Variants in ADAMTS17 observed in about 807,000 individuals in gnomAD.
The protein encoded by ADAMTS17 is A disintegrin and metalloproteinase with thrombospondin motifs 17.
In ADAMTS17, 113 loss-of-function variants were observed where a neutral mutation model predicts 141.5. That is an observed-to-expected ratio of 0.80 (90% CI 0.69 to 0.93). The LOEUF (loss-of-function observed/expected upper bound fraction) is 0.93. Ranked by LOEUF, ADAMTS17 falls within the 40% of genes least tolerant of loss-of-function variation. The probability of loss-of-function intolerance (pLI) is 0.00; values close to 1 mark genes in which losing one functional copy is unlikely to be tolerated. For missense variants in ADAMTS17, 1,659 were observed against 1,517.9 expected (o/e 1.09, Z -1.54); for synonymous variants, 768 against 630.6 (o/e 1.22, Z -3.27).
intron 10 of ADAMTS17, among the ~76,000 whole-genome samples, chr15:100,134,608 G>C (rs187542524): frequency 6.6e-6 from 1 of 152,214 alleles, no homozygotes; most frequent in Non-Finnish European, 1.5e-5. Context: ...GCTCTTCCAA[G>C]TAATCTCAAA....
In ADAMTS17 at chr15:100,100,203, G is replaced by A. The variant is rs189927540; in HGVS notation, c.2017-3727C>T. ...CAGAGTGTGTGCTAAAGATGCCCTG[G>A]AAGCCAAGGATGGCTCCTGTCTGAT... On this transcript the variant is annotated intron_variant, in intron 14 of 21. Transcript: ENST00000268070. Among the ~76,000 whole-genome samples the A allele has an allele frequency of 1.2e-3, 179 of 152,316 alleles. 1 individual carries two copies. The highest frequency in any genetic ancestry group is 7.3e-5 in the Non-Finnish European group (5 of 68,034).
intron 18 of ADAMTS17, among the ~76,000 whole-genome samples, chr15:100,047,833 TG>T (rs2031829803): frequency 6.6e-6 from 1 of 152,188 alleles, no homozygotes; most frequent in South Asian, 2.1e-4. Context: ...GATAGGTTCG[TG>T]GTACAGCTGC....
At chr15:100,035,737 C>T (rs1310083076) in intron 18 of ADAMTS17, among the ~76,000 whole-genome samples, 1 of 152,088 alleles carries the variant, frequency 6.6e-6, no homozygotes, top group Non-Finnish European at 1.5e-5. Context: ...CACCCTTTTT[C>T]ATCTTGTCCA....
intron 16 of ADAMTS17, among the ~76,000 whole-genome samples, chr15:100,053,431 G>A (rs756631675): frequency 1.3e-5 from 2 of 152,150 alleles, no homozygotes; most frequent in South Asian, 2.1e-4. Flanking sequence ...GTTGCAAGCT[G>A]GGTCTGTGAA....
chr15:100,128,351 C>T (rs11856684), intron 12 of ADAMTS17: 56,745 of 152,014 alleles, frequency 0.37, 10,982 homozygotes, highest in South Asian at 0.42. Flanking sequence ...AAGGGGCCTG[C>T]GGCTGGGAGG....
At chr15:100,233,596 G>A in intron 7 of ADAMTS17, among the ~76,000 whole-genome samples, 1 of 152,182 alleles carries the variant, frequency 6.6e-6, no homozygotes, top group African/African-American at 2.4e-5. Flanking sequence ...ACACAGTGGG[G>A]GCGTGAAGAT....
intron 10 of ADAMTS17, among the ~76,000 whole-genome samples, chr15:100,148,511 G>A (rs566662332): frequency 1.3e-4 from 19 of 151,350 alleles, no homozygotes; most frequent in African/African-American, 4.4e-4. Context: ...TAGAATTGTA[G>A]GCTGACAGCC....
At chr15:100,314,899 C>A (rs1042831274) in intron 3 of ADAMTS17, among the ~76,000 whole-genome samples, 1 of 152,190 alleles carries the variant, frequency 6.6e-6, no homozygotes, top group Non-Finnish European at 1.5e-5. Context: ...ACCTGGGACA[C>A]CCTGTTTGGA....
At chr15:100,048,782 A>T in intron 18 of ADAMTS17, 75 bp downstream of exon 18, 1 of 1,606,112 alleles carries the variant, frequency 6.2e-7, no homozygotes, top group East Asian at 2.2e-5. Context: ...CATTAACTGC[A>T]TATCACTCCC....
intron 3 of ADAMTS17, among the ~76,000 whole-genome samples, chr15:100,328,159 G>C (rs971185430): frequency 2.0e-5 from 3 of 152,176 alleles, no homozygotes; most frequent in African/African-American, 7.2e-5. Flanking sequence ...GGAAAGCTTG[G>C]ATTAATCTGA....
At chr15:100,247,924 C>G (rs1001697587) in intron 7 of ADAMTS17, among the ~76,000 whole-genome samples, 1 of 152,176 alleles carries the variant, frequency 6.6e-6, no homozygotes, top group Admixed American at 6.5e-5. Flanking sequence ...TTCCTCACAC[C>G]GGAAGGGCAG....
chr15:100,106,654 G>T (rs1240493322), intron 14 of ADAMTS17, among the ~76,000 whole-genome samples: 1 of 152,236 alleles, frequency 6.6e-6, no homozygotes, highest in Non-Finnish European at 1.5e-5. Context: ...CGCTGCAGAA[G>T]ATGCTGGCAG....
chr15:100,020,052 A>G (rs1323320071), intron 18 of ADAMTS17, among the ~76,000 whole-genome samples: 1 of 152,180 alleles, frequency 6.6e-6, no homozygotes, highest in Admixed American at 6.5e-5. Flanking sequence ...CCAGGACAGC[A>G]GCCGGAATCG....
intron 7 of ADAMTS17, among the ~76,000 whole-genome samples, chr15:100,201,791 G>T (rs1160536810): frequency 6.6e-6 from 1 of 152,200 alleles, no homozygotes; most frequent in African/African-American, 2.4e-5. Context: ...GAAAGGATGT[G>T]ATGTGGTTTC....
chr15:100,207,546 G>A lies in ADAMTS17; in HGVS notation c.1076-8123C>T, dbSNP rs189780041. Among the ~76,000 whole-genome samples the A allele has an allele frequency of 1.5e-3, 223 of 152,288 alleles. 1 individual carries two copies. Among genetic ancestry groups the A allele is most frequent in the Non-Finnish European group, 1.2e-3 (79 of 68,022 alleles). ...AGCCACCTAATGCGCCATGGGCTTGGCCTTGATGTTCACGACATGGTTTAA... is the reference window on the plus strand; with the variant it reads ...AGCCACCTAATGCGCCATGGGCTTGACCTTGATGTTCACGACATGGTTTAA... On this transcript the variant is annotated intron_variant, in intron 7 of 21. Coordinates refer to ENST00000268070, the MANE Select transcript of ADAMTS17 (RefSeq NM_139057.4).
intron 18 of ADAMTS17, among the ~76,000 whole-genome samples, chr15:100,040,431 A>C (rs1337964189): frequency 1.3e-5 from 2 of 152,086 alleles, no homozygotes; most frequent in Admixed American, 1.3e-4. Context: ...ACTAAATCTC[A>C]CCTTTTCCCT....
chr15:100,033,084 C>A (rs1279864699), intron 18 of ADAMTS17, among the ~76,000 whole-genome samples: 1 of 152,120 alleles, frequency 6.6e-6, no homozygotes, highest in African/African-American at 2.4e-5. Context: ...ATTTATGGGT[C>A]CAAACTAAGC....
Position 100,118,803 on chromosome 15 carries a change from G to A in ADAMTS17, c.1722-1790C>T, listed in dbSNP as rs567032826. Among the ~76,000 whole-genome samples the A allele has an allele frequency of 6.4e-4, 97 of 152,234 alleles. No homozygotes were observed. The South Asian group carries it at 9.8e-3, about 15-fold the overall frequency. On this transcript the variant is annotated intron_variant, in intron 12 of 21. Transcript: ENST00000268070. The stretch of plus-strand genomic sequence containing the variant: ...TGGCAATAAGTGAGTCCCCACGAGC[G>A]GGCACCGGAGAAGGAACGAGTGAGG...
chr15:100,204,228 A>G (rs1174453524), intron 7 of ADAMTS17, among the ~76,000 whole-genome samples: 1 of 152,250 alleles, frequency 6.6e-6, no homozygotes, highest in Non-Finnish European at 1.5e-5. Context: ...ACTCTGGTTG[A>G]TGCAGTAAGT....
Sources: allele counts gnomAD v4.1 joint callset (sites outside exome capture counted in the v4.1 genomes callset), GRCh38; gene constraint gnomAD v4.1.1; transcripts MANE v1.5; gene names NCBI Gene and HGNC (gene_info 2026-07-23, HGNC 2026-07-21).